HDAC4: variants seen among roughly 807,000 people sequenced by gnomAD.
The protein encoded by HDAC4 is histone deacetylase A.
In HDAC4, 16 loss-of-function variants were observed where a neutral mutation model predicts 135.1. That is an observed-to-expected ratio of 0.12 (90% CI 0.08 to 0.18). HDAC4 has a LOEUF of 0.18. Ranked by LOEUF, HDAC4 falls within the 10% of genes least tolerant of loss-of-function variation. The pLI is 1.00. For synonymous variants in HDAC4, 685 were observed against 653.4 expected, an observed-to-expected ratio of 1.05 and a Z score of -0.74; for missense variants, 1,143 against 1,511.8, an observed-to-expected ratio of 0.76 and a Z score of 4.05.
Position 239,356,004 on chromosome 2 carries a change from C to T in HDAC4, c.-219-3086G>A, listed in dbSNP as rs562957249. ...ATAGAAATGTTCTGGAAGAACCTCA[C>T]GCTCTTGCAAAACTGTATACTAAAA... On this transcript the variant is annotated intron_variant, in intron 1 of 26. Transcript: ENST00000543185. Among the ~76,000 whole-genome samples the T allele has an allele frequency of 3.3e-4, 50 of 152,242 alleles. 1 individual carries two copies. Among genetic ancestry groups the T allele is most frequent in the South Asian group, 1.7e-3 (8 of 4,820 alleles).
chr2:239,147,406 T>C (rs2041836717), intron 7 of HDAC4, among the ~76,000 whole-genome samples: 1 of 152,256 alleles, frequency 6.6e-6, no homozygotes, highest in Non-Finnish European at 1.5e-5. Flanking sequence ...GTCTTAAAGC[T>C]TGCACAATGC....
At chr2:239,291,236 G>A (rs191660042) in intron 2 of HDAC4, among the ~76,000 whole-genome samples, 1 of 152,360 alleles carries the variant, frequency 6.6e-6, no homozygotes, top group East Asian at 1.9e-4. Context: ...TGAAAAGCAT[G>A]GCGGGTAAGA....
rs529300615 is a variant in HDAC4 at position 239,101,917 on chromosome 2, C to T, written c.2233+859G>A. Among the ~76,000 whole-genome samples the T allele has an allele frequency of 3.4e-4, 49 of 143,880 alleles. 1 individual carries two copies. The South Asian group carries it at 0.011, about 31-fold the overall frequency. The allele number at this position is 143,880 out of a possible 152,430, so 94.4% of individuals were successfully genotyped here. On this transcript the variant is annotated intron_variant, in intron 16 of 26. Transcript: ENST00000543185. ...TCTGTGCCCTGGGAGCCCCCGGCCC[C>T]GGGTCTGTGTTCTGTGCCCTGGACG...
intron 1 of HDAC4, among the ~76,000 whole-genome samples, chr2:239,364,404 T>A (rs1694045571): frequency 6.6e-6 from 1 of 152,212 alleles, no homozygotes; most frequent in African/African-American, 2.4e-5. Context: ...AGAAACATCA[T>A]GCTGAGAAAA....
chr2:239,364,839 C>G (rs924230522), intron 1 of HDAC4, among the ~76,000 whole-genome samples: 1 of 152,178 alleles, frequency 6.6e-6, no homozygotes, highest in Non-Finnish European at 1.5e-5. Flanking sequence ...TTTCTTACAA[C>G]CAGTACATGT....
intron 3 of HDAC4, among the ~76,000 whole-genome samples, chr2:239,204,813 G>C (rs957366417): frequency 5.3e-5 from 8 of 152,196 alleles, no homozygotes; most frequent in African/African-American, 1.9e-4. Flanking sequence ...CAGGGCAGGT[G>C]CTGAGACCAC....
At chr2:239,319,271 G>C (rs2053227909) in intron 2 of HDAC4, among the ~76,000 whole-genome samples, 1 of 152,230 alleles carries the variant, frequency 6.6e-6, no homozygotes. Context: ...TGACAATGAA[G>C]GCAGCACACG....
chr2:239,260,663 C>T lies in HDAC4; in HGVS notation c.23-23999G>A, dbSNP rs371885725. On this transcript the variant is annotated intron_variant, in intron 2 of 26. Transcript: ENST00000543185. Reference sequence around the variant, plus strand: ...TGTGTGGCCTGTGGCCTGTGGCCTCCGGCTCTGCTCCTGCAGCCTGCAAGG... The same window carrying T: ...TGTGTGGCCTGTGGCCTGTGGCCTCTGGCTCTGCTCCTGCAGCCTGCAAGG... Among the ~76,000 whole-genome samples, 40 of 152,284 alleles carry T rather than the reference C, an allele frequency of 2.6e-4. No homozygotes were observed. The South Asian group carries it at 7.9e-3, about 30-fold the overall frequency.
At chr2:239,315,483 A>G (rs1033033999) in intron 2 of HDAC4, among the ~76,000 whole-genome samples, 5 of 152,218 alleles carry the variant, frequency 3.3e-5, no homozygotes, top group African/African-American at 1.2e-4. Flanking sequence ...ATTCAAAATG[A>G]AACCCAGCAT....
intron 1 of HDAC4, among the ~76,000 whole-genome samples, chr2:239,393,265 G>A (rs1696350609): frequency 6.6e-6 from 1 of 152,258 alleles, no homozygotes; most frequent in East Asian, 1.9e-4. Context: ...TCCTTGGGAT[G>A]CATCTGAATG....
chr2:239,301,907 C>T (rs895988343), intron 2 of HDAC4, among the ~76,000 whole-genome samples: 12 of 152,122 alleles, frequency 7.9e-5, no homozygotes, highest in African/African-American at 2.7e-4. Context: ...CCTTGCTCCT[C>T]ACTACTGCCA....
At position 239,400,632 on chromosome 2, in the gene HDAC4, C is replaced by A. The variant is rs1386478051; in HGVS notation, c.-220+346G>T. On this transcript the variant is annotated intron_variant, in intron 1 of 26. Coordinates refer to ENST00000543185, the MANE Select transcript of HDAC4 (RefSeq NM_001378414.1). The surrounding 1 kb of genome is among the most constrained non-coding windows in gnomAD (Gnocchi z 4.7). ...CGGGCTCCAAGGCCTGCAGGCTGCG[C>A]GGGGCGCGGGGCGGGCGGCGGACAA... The A allele has an allele frequency of 6.9e-6, 1 of 144,746 alleles. No individual in the cohort carries two copies. Among genetic ancestry groups the A allele is most frequent in the East Asian group, 2.1e-4 (1 of 4,738 alleles). 9.0% of individuals were successfully genotyped at this position (144,746 alleles called of 1,614,324 possible).
rs1559323805 is a variant in HDAC4 at position 239,282,240 on chromosome 2, TACAATGTACACACCA to T, written c.23-45591_23-45577del. The stretch of plus-strand genomic sequence containing the variant: ...TCTCTACACAATGTACACACCACTC[TACAATGTACACACCA>T]CTCTACACACAATGTACACACCACT... On this transcript the variant is annotated intron_variant, in intron 2 of 26. Coordinates refer to ENST00000543185, the MANE Select transcript of HDAC4 (RefSeq NM_001378414.1). Among the ~76,000 whole-genome samples the T allele has an allele frequency of 3.0e-3, 339 of 112,602 alleles. 9 individuals carry two copies. The highest frequency in any genetic ancestry group is 6.3e-3 in the Middle Eastern group (1 of 158). The allele number at this position is 112,602 out of a possible 152,430, so 73.9% of individuals were successfully genotyped here.
intron 6 of HDAC4, 130 bp downstream of exon 6, chr2:239,163,673 G>C: frequency 1.0e-6 from 1 of 959,286 alleles, no homozygotes; most frequent in East Asian, 2.4e-5. Context: ...CACTGTGCTT[G>C]GGGTTTCAAT....
chr2:239,068,056 C>T lies in HDAC4; in HGVS notation c.2869+433G>A, dbSNP rs1250476660. Among the ~76,000 whole-genome samples the T allele has an allele frequency of 6.6e-6, 1 of 152,246 alleles. No homozygotes were observed. The highest frequency in any genetic ancestry group is 1.5e-5 in the Non-Finnish European group (1 of 68,046). The stretch of plus-strand genomic sequence containing the variant: ...CTAACGCTGATCCTGAGAGGACACA[C>T]ACATCCTGGGCTCCCTCATCCAACT... On this transcript the variant is annotated intron_variant, in intron 23 of 26. Transcript: ENST00000543185. This position sits in a 1 kb window ranked among gnomAD's most constrained non-coding sequence, Gnocchi z 4.4.
chr2:239,114,923 AG>A (rs2038996166), intron 13 of HDAC4, 129 bp downstream of exon 13: 1 of 1,098,980 alleles, frequency 9.1e-7, no homozygotes, highest in African/African-American at 1.5e-5. Context: ...AGGACAAGAC[AG>A]GTGAGACACT....
At chr2:239,156,566 A>G in intron 7 of HDAC4, 86 bp downstream of exon 7, 1 of 1,535,582 alleles carries the variant, frequency 6.5e-7, no homozygotes, top group Non-Finnish European at 9.0e-7. Context: ...TCTAAGTGGA[A>G]GACAGCGGTG....
intron 3 of HDAC4, among the ~76,000 whole-genome samples, chr2:239,206,887 T>A (rs1400852938): frequency 1.3e-5 from 2 of 152,232 alleles, no homozygotes; most frequent in Non-Finnish European, 2.9e-5. Flanking sequence ...AATATGTACA[T>A]CATCAATGCA....
intron 14 of HDAC4, among the ~76,000 whole-genome samples, chr2:239,109,257 C>T (rs1040861253): frequency 2.6e-5 from 4 of 152,222 alleles, no homozygotes; most frequent in Admixed American, 2.6e-4. Context: ...CCAGGGGCAC[C>T]TGTGCTAATG....
Sources: gnomAD v4.1 joint callset for allele counts (sites outside exome capture counted in the v4.1 genomes callset) on GRCh38, gnomAD v4.1.1 for gene constraint, Gnocchi (gnomAD v3.1) non-coding constraint, MANE v1.5 for transcripts, NCBI Gene and HGNC (gene_info 2026-07-23, HGNC 2026-07-21) for gene names.